The following DLG2 variants were observed in gnomAD, a reference collection of about 807,000 sequenced individuals.
DLG2 encodes the protein disks large homolog 2.
Under a neutral mutation model 132.5 loss-of-function variants are expected in DLG2, and 45 were observed. The observed-to-expected ratio is 0.34, with a 90% CI of 0.27 to 0.44. The LOEUF (loss-of-function observed/expected upper bound fraction) is 0.44, where lower values mean the gene tolerates loss of function less well. Among genes scored for constraint, DLG2 ranks in the 20% least tolerant of loss-of-function variants. The pLI, the probability that DLG2 is intolerant of heterozygous loss-of-function variation, is 1.00. For synonymous variants in DLG2, 424 were observed against 419.6 expected, an observed-to-expected ratio of 1.01 and a Z score of -0.13; for missense variants, 1,045 against 1,196.9, an observed-to-expected ratio of 0.87 and a Z score of 1.87.
At chr11:85,269,201 T>A (rs745911785) in intron 4 of DLG2, among the ~76,000 whole-genome samples, 1 of 152,210 alleles carries the variant, frequency 6.6e-6, no homozygotes, top group Admixed American at 6.5e-5. Context: ...AACTTCTCCC[T>A]TGTAGAATGC....
At chr11:83,746,175 C>T (rs1334645704) in intron 18 of DLG2, among the ~76,000 whole-genome samples, 2 of 152,116 alleles carry the variant, frequency 1.3e-5, no homozygotes. Flanking sequence ...GTGGCGATTC[C>T]CCAGGGATCT....
intron 7 of DLG2, among the ~76,000 whole-genome samples, chr11:84,388,598 C>T (rs1316341695): frequency 6.6e-6 from 1 of 151,080 alleles, no homozygotes; most frequent in Non-Finnish European, 1.5e-5. Flanking sequence ...ATTTCAGTAC[C>T]CTGTGTTTCT....
At chr11:83,934,471 C>G (rs898363336) in intron 14 of DLG2, among the ~76,000 whole-genome samples, 3 of 152,028 alleles carry the variant, frequency 2.0e-5, no homozygotes, top group African/African-American at 7.2e-5. Flanking sequence ...TTGCACCCAA[C>G]ATGAGTACCT....
chr11:85,134,738 AT>A (rs1371677080), intron 5 of DLG2, among the ~76,000 whole-genome samples: 2 of 152,092 alleles, frequency 1.3e-5, no homozygotes, highest in African/African-American at 2.4e-5. Flanking sequence ...GTTCATAAAG[AT>A]TTTAAGTTCA....
intron 19 of DLG2, among the ~76,000 whole-genome samples, chr11:83,548,562 G>GCAA (rs201118897): frequency 1.1e-4 from 16 of 151,932 alleles, no homozygotes; most frequent in South Asian, 2.1e-4. Context: ...CAACTACTCA[G>GCAA]CAACAACAAC....
At chr11:84,372,237 A>C (rs927657936) in intron 7 of DLG2, among the ~76,000 whole-genome samples, 13 of 152,192 alleles carry the variant, frequency 8.5e-5, no homozygotes, top group African/African-American at 3.1e-4. Flanking sequence ...TGTGTTAATA[A>C]ATTCACAGCT....
chr11:84,681,816 T>A (rs954730792), intron 6 of DLG2, among the ~76,000 whole-genome samples: 1 of 151,564 alleles, frequency 6.6e-6, no homozygotes, highest in Admixed American at 6.6e-5. Context: ...GTGGAAAAAT[T>A]GAACCTTATT....
intron 6 of DLG2, among the ~76,000 whole-genome samples, chr11:84,833,649 G>T (rs2079327371): frequency 1.3e-5 from 2 of 151,212 alleles, no homozygotes; most frequent in South Asian, 4.2e-4. Flanking sequence ...AGGGAGTGGT[G>T]GCAGTTGTGG....
chr11:84,698,174 A>G (rs1024796452), intron 6 of DLG2, among the ~76,000 whole-genome samples: 2 of 151,510 alleles, frequency 1.3e-5, no homozygotes, highest in African/African-American at 4.8e-5. Context: ...TTAACTAAAT[A>G]GATGATATAA....
Position 85,619,790 on chromosome 11 carries a change from C to T in DLG2, c.-93+6797G>A, listed in dbSNP as rs931252388. 4.0e-5 allele frequency among the ~76,000 whole-genome samples: 6 copies of T among 151,704 alleles called. No homozygotes were observed. The South Asian group carries it at 6.2e-4, about 16-fold the overall frequency. Reference sequence around the variant, plus strand: ...TGGAGGTTGCAGTGAACCGAGATTGCGCAACTGCACTCCAGCCTGGGCAAC... The same window carrying T: ...TGGAGGTTGCAGTGAACCGAGATTGTGCAACTGCACTCCAGCCTGGGCAAC... On this transcript the variant is annotated intron_variant, in intron 2 of 27. Coordinates refer to ENST00000376104, the MANE Select transcript of DLG2 (RefSeq NM_001142699.3).
intron 14 of DLG2, among the ~76,000 whole-genome samples, chr11:83,960,774 C>A (rs974638244): frequency 8.6e-5 from 13 of 151,920 alleles, no homozygotes; most frequent in Non-Finnish European, 1.8e-4. Flanking sequence ...TGCCTCTGAG[C>A]AAATACCTCT....
chr11:84,721,185 C>T (rs1213115476), intron 6 of DLG2, among the ~76,000 whole-genome samples: 2 of 152,270 alleles, frequency 1.3e-5, no homozygotes, highest in South Asian at 4.1e-4. Flanking sequence ...GAACTTCCTC[C>T]CAGCCCTTTG....
At chr11:85,253,165 C>A (rs2076482990) in intron 4 of DLG2, among the ~76,000 whole-genome samples, 1 of 152,120 alleles carries the variant, frequency 6.6e-6, no homozygotes, top group African/African-American at 2.4e-5. Context: ...ATTTTCTACA[C>A]AAGGATCTGA....
At chr11:83,698,633 A>G (rs1040307561) in intron 18 of DLG2, among the ~76,000 whole-genome samples, 1 of 152,202 alleles carries the variant, frequency 6.6e-6, no homozygotes, top group Non-Finnish European at 1.5e-5. Context: ...CACATCTGTA[A>G]AACAGGTATA....
chr11:84,720,572 G>A, intron 6 of DLG2: 15 of 756,230 alleles, frequency 2.0e-5, no homozygotes, highest in Non-Finnish European at 2.4e-5. Flanking sequence ...CGAGCCTCTC[G>A]GGGTCTCCCT....
chr11:85,176,660 A>C (rs1011390960), intron 4 of DLG2, among the ~76,000 whole-genome samples: 2 of 152,230 alleles, frequency 1.3e-5, no homozygotes, highest in Non-Finnish European at 2.9e-5. Flanking sequence ...AGAAACTATC[A>C]TCAGAGTGAA....
Position 84,798,739 on chromosome 11 carries a change from C to G in DLG2, c.358-264008G>C, listed in dbSNP as rs139273074. On this transcript the variant is annotated intron_variant, in intron 6 of 27. Coordinates refer to ENST00000376104, the MANE Select transcript of DLG2 (RefSeq NM_001142699.3). Reference sequence around the variant, plus strand: ...CTAAGGCCCAAAGCATACTACCTGGCTATTACTGTTGGTTATTCAGGGCCC... The same window carrying G: ...CTAAGGCCCAAAGCATACTACCTGGGTATTACTGTTGGTTATTCAGGGCCC... Among the ~76,000 whole-genome samples the G allele has an allele frequency of 8.7e-4, 133 of 152,308 alleles. 2 individuals carry two copies. Among genetic ancestry groups the G allele is most frequent in the Middle Eastern group, 6.8e-3 (2 of 294 alleles).
At chr11:84,499,139 G>A (rs577644008) in intron 7 of DLG2, among the ~76,000 whole-genome samples, 1 of 152,152 alleles carries the variant, frequency 6.6e-6, no homozygotes, top group Admixed American at 6.6e-5. Context: ...CTGAAGTAGG[G>A]AATATCAAAT....
chr11:85,040,842 C>T (rs554383481), intron 6 of DLG2, among the ~76,000 whole-genome samples: 6 of 151,948 alleles, frequency 3.9e-5, no homozygotes, highest in African/African-American at 1.2e-4. Flanking sequence ...CTAAATACAG[C>T]AACTAAAACC....
Sources: allele counts gnomAD v4.1 joint callset (sites outside exome capture counted in the v4.1 genomes callset), GRCh38; gene constraint gnomAD v4.1.1; transcripts MANE v1.5; gene names NCBI Gene and HGNC (gene_info 2026-07-23, HGNC 2026-07-21).